Variants in SLC44A4 observed in about 807,000 individuals in gnomAD.
SLC44A4 encodes solute carrier family 44 member 4.
Under a neutral mutation model 97.0 loss-of-function variants are expected in SLC44A4, and 74 were observed. The ratio of observed to expected loss-of-function variants is 0.76; its 90% CI spans 0.63 to 0.93. The LOEUF (loss-of-function observed/expected upper bound fraction) is 0.93. SLC44A4 is among the 40% of genes least tolerant of loss of function. SLC44A4 has a pLI of 0.00. For missense variants in SLC44A4, 799 were observed against 902.9 expected (o/e 0.88, Z 1.48); for synonymous variants, 325 against 363.8 (o/e 0.89, Z 1.21).
At chr6:31,864,790 G>A (rs748933361) in intron 19 of SLC44A4, 26 bp downstream of exon 19, 5 of 1,613,666 alleles carry the variant, frequency 3.1e-6, no homozygotes, top group Non-Finnish European at 8.5e-7. Flanking sequence ...GTTGGGGGTG[G>A]AGCAGCAGAG....
chr6:31,875,100 G>A, intron 4 of SLC44A4, 72 bp from the exon 5 acceptor site: 1 of 1,241,384 alleles, frequency 8.1e-7, no homozygotes, highest in Non-Finnish European at 1.2e-6. Flanking sequence ...CCACTAGGGT[G>A]GCTTCTCAAG....
rs1243622681 is a variant in SLC44A4 at position 31,876,191 on chromosome 6, C to G, written c.90-62G>C. On this transcript the variant is annotated intron_variant, in intron 2 of 20. Coordinates refer to ENST00000229729, the MANE Select transcript of SLC44A4 (RefSeq NM_025257.3). The surrounding 1 kb of genome is among the most constrained non-coding windows in gnomAD (Gnocchi z 4.8). Reference sequence around the variant, plus strand: ...GACTTGGGGAGGTAGGGCTTATGGTCTGGAGGGGTTAAGGGTTAGAGAGTT... The same window carrying G: ...GACTTGGGGAGGTAGGGCTTATGGTGTGGAGGGGTTAAGGGTTAGAGAGTT... 1.4e-6 allele frequency: 2 copies of G among 1,396,574 alleles called. No homozygotes were observed. Among genetic ancestry groups the G allele is most frequent in the Admixed American group, 1.9e-5 (1 of 53,422 alleles). 86.5% of individuals were successfully genotyped at this position (1,396,574 alleles called of 1,614,324 possible).
chr6:31,865,837 G>A lies in SLC44A4; in HGVS notation c.1487+36C>T, dbSNP rs1248122816. ...CAGCTCCAGGACCCCTGGGGCCCCC[G>A]TGCCTACAATGACCAGGCCCCTGCC... On this transcript the variant is annotated intron_variant, in intron 14 of 20. Coordinates refer to ENST00000229729, the MANE Select transcript of SLC44A4 (RefSeq NM_025257.3). The surrounding 1 kb of genome is among the most constrained non-coding windows in gnomAD (Gnocchi z 5.2). The A allele has an allele frequency of 1.2e-5, 19 of 1,613,882 alleles. No individual in the cohort carries two copies. Among genetic ancestry groups the A allele is most frequent in the East Asian group, 2.2e-5 (1 of 44,876 alleles).
chr6:31,869,284 T>A, intron 12 of SLC44A4, 27 bp from the exon 13 acceptor site: 1 of 1,551,204 alleles, frequency 6.4e-7, no homozygotes, highest in East Asian at 2.3e-5. Context: ...GAAAGCATGA[T>A]CACACGAGGT....
At position 31,877,552 on chromosome 6, in the gene SLC44A4, C is replaced by A; in HGVS notation, c.41-470G>T. 2 of 985,550 alleles carry A rather than the reference C, an allele frequency of 2.0e-6. No homozygotes were observed. Among genetic ancestry groups the A allele is most frequent in the Non-Finnish European group, 2.4e-6 (2 of 827,218 alleles). The allele number at this position is 985,550 out of a possible 1,614,324, so 61.1% of individuals were successfully genotyped here. On this transcript the variant is annotated intron_variant, in intron 1 of 20. Transcript: ENST00000229729. This position sits in a 1 kb window ranked among gnomAD's most constrained non-coding sequence, Gnocchi z 6.5. ...GGCCTCTTCCCCTATCTGCCCCAGG[C>A]CCTACCTTACCCTCTGGTTCAAGGC...
intron 20 of SLC44A4, 155 bp downstream of exon 20, chr6:31,864,497 C>T (rs928860942): frequency 7.3e-6 from 5 of 688,442 alleles, no homozygotes; most frequent in South Asian, 5.5e-5. Flanking sequence ...CTTCCCTAAA[C>T]GCCTGGCCTC....
At position 31,878,815 on chromosome 6, in the gene SLC44A4, G is replaced by A. The variant is rs755069788; in HGVS notation, c.40+126C>T. 153 of 1,178,672 alleles carry A rather than the reference G, an allele frequency of 1.3e-4. No individual in the cohort carries two copies. The highest frequency in any genetic ancestry group is 5.8e-4 in the Middle Eastern group (3 of 5,160). The allele number at this position is 1,178,672 out of a possible 1,614,324, so 73.0% of individuals were successfully genotyped here. A position where few individuals can be genotyped will look rare whatever the true frequency, so the allele number is the denominator to read the frequency against. On this transcript the variant is annotated intron_variant, in intron 1 of 20. Transcript: ENST00000229729. The surrounding 1 kb of genome is among the most constrained non-coding windows in gnomAD (Gnocchi z 4.0). ...CCTCCCTCCATGGCTCCCGGTTCCC[G>A]GGCCCTCCCCTCAGGGACACAGTAC...
At chr6:31,868,729 G>C (rs9469064) in intron 13 of SLC44A4, among the ~76,000 whole-genome samples, 9,032 of 152,134 alleles carry the variant, frequency 0.059, 381 homozygotes, top group Middle Eastern at 0.14. Context: ...CTGGGGGATG[G>C]AGGTTGCAGT....
chr6:31,865,831 G>A lies in SLC44A4; in HGVS notation c.1487+42C>T, dbSNP rs749878316. The A allele has an allele frequency of 5.6e-6, 9 of 1,613,890 alleles. No homozygotes were observed. Among genetic ancestry groups the A allele is most frequent in the Non-Finnish European group, 7.6e-6 (9 of 1,179,864 alleles). The stretch of plus-strand genomic sequence containing the variant: ...CAGAGACAGCTCCAGGACCCCTGGG[G>A]CCCCCGTGCCTACAATGACCAGGCC... On this transcript the variant is annotated intron_variant, in intron 14 of 20. Transcript: ENST00000229729. This position sits in a 1 kb window ranked among gnomAD's most constrained non-coding sequence, Gnocchi z 5.2.
Position 31,865,630 on chromosome 6 carries a change from CA to C in SLC44A4, c.1583-30del. On this transcript the variant is annotated intron_variant, in intron 15 of 20. Coordinates refer to ENST00000229729, the MANE Select transcript of SLC44A4 (RefSeq NM_025257.3). This position sits in a 1 kb window ranked among gnomAD's most constrained non-coding sequence, Gnocchi z 5.2. ...GGAGCGAGGAAGGCTCATGTTTGGT[CA>C]CTGCCCCTCCCTAATGGCCTTCCCC... 6.2e-7 allele frequency: 1 copy of C among 1,610,202 alleles called. No homozygotes were observed. The highest frequency in any genetic ancestry group is 8.5e-7 in the Non-Finnish European group (1 of 1,177,474).
In SLC44A4 at chr6:31,869,246, G is replaced by A; in HGVS notation, c.1142C>T (p.Thr381Ile). The change falls in exon 13 of 21, where the codon ACA becomes ATA. Residue 381 changes from threonine to isoleucine, a missense_variant. Coordinates refer to ENST00000229729, the MANE Select transcript of SLC44A4 (RefSeq NM_025257.3). The stretch of plus-strand genomic sequence containing the variant: ...GAGCACATACTGGGGTTGCCCCGAT[G>A]TAGCCAGGTACCCAGAGGGGAGTCA... Reference protein sequence around the residue: ...YWAMTALYLATSGQPQYVLWA... With the variant: ...YWAMTALYLAISGQPQYVLWA... 6.2e-7 allele frequency: 1 copy of A among 1,606,906 alleles called. No homozygotes were observed. The highest frequency in any genetic ancestry group is 8.5e-7 in the Non-Finnish European group (1 of 1,177,124).
rs1763021092 is a variant in SLC44A4 at position 31,869,251 on chromosome 6, C to T, written c.1137G>A (p.Leu379=). 1 of 1,604,760 alleles carries T rather than the reference C, an allele frequency of 6.2e-7. No individual in the cohort carries two copies. The highest frequency in any genetic ancestry group is 8.5e-7 in the Non-Finnish European group (1 of 1,176,052). Residue 379 remains leucine, a synonymous_variant, in exon 13 of 21, where the codon CTG becomes CTA. Transcript: ENST00000229729. ...CATACTGGGGTTGCCCCGATGTAGC[C>T]AGGTACCCAGAGGGGAGTCAAGGAA... is the stretch of plus-strand genomic sequence containing the variant. The part of the protein sequence containing the change: ...IAYWAMTALY[L]ATSGQPQYVL...
chr6:31,878,888 A>G lies in SLC44A4; in HGVS notation c.40+53T>C. ...AGCCAGCCCCAGACACCATTCCCAA[A>G]GTACCCGTCCTCCCCTCCCTCCACA... On this transcript the variant is annotated intron_variant, in intron 1 of 20. Coordinates refer to ENST00000229729, the MANE Select transcript of SLC44A4 (RefSeq NM_025257.3). This position sits in a 1 kb window ranked among gnomAD's most constrained non-coding sequence, Gnocchi z 4.0. The G allele has an allele frequency of 1.3e-6, 2 of 1,593,092 alleles. No homozygotes were observed. The highest frequency in any genetic ancestry group is 1.7e-6 in the Non-Finnish European group (2 of 1,161,158).
chr6:31,875,983 G>A (rs1468866704), intron 3 of SLC44A4, 53 bp from the exon 4 acceptor site: 4 of 1,612,396 alleles, frequency 2.5e-6, no homozygotes, highest in Non-Finnish European at 3.4e-6. Context: ...TAGTGGGGCA[G>A]TTATGGGAAT....
rs755099338 is a variant in SLC44A4, at chr6:31,875,925, A to G, written c.169T>C (p.Leu57=). Residue 57 remains leucine, a synonymous_variant, in exon 4 of 21, where the codon TTG becomes CTG. Coordinates refer to ENST00000229729, the MANE Select transcript of SLC44A4 (RefSeq NM_025257.3). The part of the protein sequence containing the change: ...GYIVVGIVAW[L]YGDPRQVLYP... ...AGGACTTGCCGGGGGTCTCCATACA[A>G]CCAGGCTGCAGACAGAGGCACAGAT... 2.0e-5 allele frequency: 32 copies of G among 1,613,896 alleles called. No homozygotes were observed. Among genetic ancestry groups the G allele is most frequent in the Non-Finnish European group, 2.7e-5 (32 of 1,179,946 alleles).
At position 31,865,777 on chromosome 6, in the gene SLC44A4, T is replaced by C. The variant is rs780671945; in HGVS notation, c.1495A>G (p.Thr499Ala). 5 of 1,613,836 alleles carry C rather than the reference T, an allele frequency of 3.1e-6. No individual in the cohort carries two copies. Among genetic ancestry groups the C allele is most frequent in the South Asian group, 1.1e-5 (1 of 91,080 alleles). ...AGGGCTCCAAATGCCAATGACCCAG[T>C]GTGGTAACTGCAGAGGGTGTTATGC... The part of the protein sequence containing the change: ...SAFIRTLRYH[T>A]GSLAFGALIL... Residue 499 changes from threonine to alanine, a missense_variant, in exon 15 of 21, where the codon ACT (threonine) becomes GCT (alanine). Around this residue, in one of 3 missense-constraint regions of SLC44A4, gnomAD observed 379 missense variants for 438.3 expected, o/e 0.86. Transcript: ENST00000229729. The surrounding 1 kb of genome is among the most constrained non-coding windows in gnomAD (Gnocchi z 5.2).
Position 31,863,670 on chromosome 6 carries a change from T to C in SLC44A4, c.2090A>G (p.Lys697Arg). 1.2e-6 allele frequency: 2 copies of C among 1,612,346 alleles called. No individual in the cohort carries two copies. Among genetic ancestry groups the C allele is most frequent in the Non-Finnish European group, 1.7e-6 (2 of 1,179,792 alleles). The change falls in exon 21 of 21, where the codon AAG becomes AGG. Residue 697 changes from lysine (K) to arginine (R), a missense_variant. Coordinates refer to ENST00000229729, the MANE Select transcript of SLC44A4 (RefSeq NM_025257.3). The part of the protein sequence containing the change: ...MSKSLLKILG[K>R]KNEAPPDNKK... Reference sequence around the variant, plus strand: ...GTTGTCCGGGGGCGCCTCGTTCTTCTTGCCCAGAATCTTTAGAAGGCTCTT... The same window carrying C: ...GTTGTCCGGGGGCGCCTCGTTCTTCCTGCCCAGAATCTTTAGAAGGCTCTT...
At chr6:31,866,201 A>T (rs2151555513) in intron 13 of SLC44A4, 75 bp from the exon 14 acceptor site, 2 of 1,547,368 alleles carry the variant, frequency 1.3e-6, no homozygotes, top group East Asian at 4.5e-5. Context: ...TCCCATTCCC[A>T]GTAGCTCCTG....
chr6:31,867,729 GA>G (rs111558317), intron 13 of SLC44A4, among the ~76,000 whole-genome samples: 12 of 125,982 alleles, frequency 9.5e-5, no homozygotes, highest in African/African-American at 2.1e-4. Context: ...CATTAAAAAA[GA>G]AAAAAAAAAG....
Sources: allele counts gnomAD v4.1 joint callset (sites outside exome capture counted in the v4.1 genomes callset), GRCh38; gene constraint gnomAD v4.1.1; regional missense constraint gnomAD v4.1.1; non-coding constraint Gnocchi (gnomAD v3.1); transcripts MANE v1.5; gene names NCBI Gene and HGNC (gene_info 2026-07-23, HGNC 2026-07-21).